RIMS3: variants seen among roughly 807,000 people sequenced by gnomAD.
The protein encoded by RIMS3 is regulating synaptic membrane exocytosis 3, also known as regulating synaptic membrane exocytosis protein 3.
Under a neutral mutation model 29.2 loss-of-function variants are expected in RIMS3, and 15 were observed. The observed-to-expected ratio is 0.51, with a 90% CI of 0.34 to 0.79. The LOEUF is 0.79. Among genes scored for constraint, RIMS3 ranks in the 30% least tolerant of loss-of-function variants. The pLI is 0.01. For missense variants in RIMS3, 342 were observed against 421.4 expected (o/e 0.81, Z 1.65); for synonymous variants, 161 against 170.1 (o/e 0.95, Z 0.41).
chr1:40,626,658 G>A lies in RIMS3; in HGVS notation c.786C>T (p.Asp262=), dbSNP rs148290608. Residue 262 remains aspartate (D), a synonymous_variant, in exon 8 of 8, where the codon GAC becomes GAT. Transcript: ENST00000372684. ...CFMGMAQIML[D]ELDLSAAVTG... ...TGACCGCGGCGCTGAGGTCCAGCTCGTCCAGCATGATCTGGGCCATGCCCA... is the reference window on the plus strand; with the variant it reads ...TGACCGCGGCGCTGAGGTCCAGCTCATCCAGCATGATCTGGGCCATGCCCA... 1.9e-5 allele frequency: 31 copies of A among 1,614,228 alleles called. No homozygotes were observed. In the African/African-American group the frequency reaches 2.9e-4, roughly 15 times the overall value.
At chr1:40,664,467 G>A (rs1341330551) in intron 1 of RIMS3, among the ~76,000 whole-genome samples, 1 of 152,122 alleles carries the variant, frequency 6.6e-6, no homozygotes, top group African/African-American at 2.4e-5. Context: ...CATGGATAGA[G>A]GACAGGACCA....
At chr1:40,633,503 A>C (rs1367132537) in intron 4 of RIMS3, among the ~76,000 whole-genome samples, 1 of 152,240 alleles carries the variant, frequency 6.6e-6, no homozygotes, top group East Asian at 1.9e-4. Context: ...CTGTGTCCTC[A>C]CCAGGGCATA....
At chr1:40,691,829 C>T in the RIMS3 span, 1 of 435,860 alleles carries the variant, frequency 2.3e-6, no homozygotes, top group Non-Finnish European at 4.6e-6. Context: ...CGTAGGAGCG[C>T]GGGGGCGGCT....
At chr1:40,685,895 G>A in the RIMS3 span, among the ~76,000 whole-genome samples, 4 of 151,900 alleles carry the variant, frequency 2.6e-5, no homozygotes, top group Admixed American at 2.6e-4. Context: ...TATAATCTCA[G>A]CACTACGGGA....
At chr1:40,681,952 G>A in the RIMS3 span, among the ~76,000 whole-genome samples, 1 of 152,056 alleles carries the variant, frequency 6.6e-6, no homozygotes, top group Non-Finnish European at 1.5e-5. Context: ...TCCTGCCTCC[G>A]CCTCCCAAGT....
intron 2 of RIMS3, among the ~76,000 whole-genome samples, chr1:40,643,478 CTTTT>C (rs34292781): frequency 1.5e-5 from 2 of 133,592 alleles, no homozygotes; most frequent in Non-Finnish European, 1.6e-5. Context: ...ATCTTTCTCT[CTTTT>C]TTTTTTTTTT....
chr1:40,644,023 A>AG (rs1462348195), intron 2 of RIMS3, among the ~76,000 whole-genome samples: 1 of 144,912 alleles, frequency 6.9e-6, no homozygotes, highest in Non-Finnish European at 1.5e-5. Context: ...TACTTGTCCA[A>AG]GGGGGGGAAG....
At chr1:40,633,596 A>G (rs1022030958) in intron 4 of RIMS3, among the ~76,000 whole-genome samples, 1 of 152,204 alleles carries the variant, frequency 6.6e-6, no homozygotes, top group Admixed American at 6.5e-5. Flanking sequence ...GTTGACTGCA[A>G]GTTTGAAATC....
rs908150902 is a variant in RIMS3, at chr1:40,621,071, AATG to A, written c.*5443_*5445del. On this transcript the variant is annotated 3_prime_UTR_variant, in exon 8 of 8. Coordinates refer to ENST00000372684, the MANE Select transcript of RIMS3 (RefSeq NM_014747.3). Reference sequence around the variant, plus strand: ...AGGAAGCAGCTGCCCCACCTTCTGAAATGATGTCTGGTTAAAGACATTCTGGAG... The same window carrying A: ...AGGAAGCAGCTGCCCCACCTTCTGAAATGTCTGGTTAAAGACATTCTGGAG... 2.0e-5 allele frequency: 3 copies of A among 152,234 alleles called. No individual in the cohort carries two copies. Among genetic ancestry groups the A allele is most frequent in the African/African-American group, 7.2e-5 (3 of 41,456 alleles). 9.4% of individuals were successfully genotyped at this position (152,234 alleles called of 1,614,324 possible). A position where few individuals can be genotyped will look rare whatever the true frequency, so the allele number is the denominator to read the frequency against.
At chr1:40,646,190 T>C (rs984583192) in intron 2 of RIMS3, among the ~76,000 whole-genome samples, 1 of 152,176 alleles carries the variant, frequency 6.6e-6, no homozygotes, top group Non-Finnish European at 1.5e-5. Context: ...GAATGCACAT[T>C]GTAGCAGAGG....
chr1:40,684,391 A>G, the RIMS3 span, among the ~76,000 whole-genome samples: 5 of 152,212 alleles, frequency 3.3e-5, no homozygotes, highest in African/African-American at 7.2e-5. Flanking sequence ...CAAGATCTCC[A>G]GAAGAAAAAT....
At chr1:40,637,511 G>C (rs201131058) in intron 3 of RIMS3, among the ~76,000 whole-genome samples, 1 of 49,446 alleles carries the variant, frequency 2.0e-5, no homozygotes, top group African/African-American at 1.0e-4. Flanking sequence ...CACACACACA[G>C]AGTCACATTA....
chr1:40,642,070 T>A (rs1570182558), intron 2 of RIMS3, 114 bp from the exon 3 acceptor site: 1 of 656,064 alleles, frequency 1.5e-6, no homozygotes, highest in Non-Finnish European at 2.7e-6. Flanking sequence ...TCTCTGAGGC[T>A]ATAAGGTTAA....
At position 40,640,342 on chromosome 1, in the gene RIMS3, C is replaced by G. The variant is rs558100214; in HGVS notation, c.217+1367G>C. 1.2e-4 allele frequency among the ~76,000 whole-genome samples: 18 copies of G among 152,288 alleles called. No individual in the cohort carries two copies. In the South Asian group the frequency reaches 3.3e-3, roughly 28 times the overall value. ...TCTAGGGCTCTGATAACCTCAAGCC[C>G]CTTCCCCACCTATAATAGCTTTCCC... On this transcript the variant is annotated intron_variant, in intron 3 of 7. Transcript: ENST00000372684.
upstream of RIMS3, among the ~76,000 whole-genome samples, chr1:40,667,925 G>A (rs1642445100): frequency 6.6e-6 from 1 of 152,138 alleles, no homozygotes. Context: ...GACTAGCCTG[G>A]GCAACATGGC....
At chr1:40,669,407 C>G (rs1294800473), upstream of RIMS3, 1 of 152,174 alleles carries the variant, frequency 6.6e-6, no homozygotes, top group Non-Finnish European at 1.5e-5. Context: ...TTCAATAAAA[C>G]AAACTTTTTT....
chr1:40,660,655 C>G (rs911698606), intron 1 of RIMS3, among the ~76,000 whole-genome samples: 3 of 151,948 alleles, frequency 2.0e-5, no homozygotes, highest in African/African-American at 7.3e-5. Context: ...GCTGGGATTA[C>G]CAGCACTTTG....
chr1:40,626,412 G>A lies in RIMS3; in HGVS notation c.*105C>T. The A allele has an allele frequency of 9.3e-7, 1 of 1,071,922 alleles. No homozygotes were observed. The highest frequency in any genetic ancestry group is 1.4e-6 in the Non-Finnish European group (1 of 719,382). 66.4% of individuals were successfully genotyped at this position (1,071,922 alleles called of 1,614,324 possible). A position where few individuals can be genotyped will look rare whatever the true frequency, so the allele number is the denominator to read the frequency against. On this transcript the variant is annotated 3_prime_UTR_variant, in exon 8 of 8. Coordinates refer to ENST00000372684, the MANE Select transcript of RIMS3 (RefSeq NM_014747.3). ...GAGCCCAGTAGCCAACAGGCATGCA[G>A]CAGGACAAGGGGTCCAGAAAGACAC...
chr1:40,674,992 G>A, the RIMS3 span, among the ~76,000 whole-genome samples: 1 of 152,172 alleles, frequency 6.6e-6, no homozygotes, highest in Non-Finnish European at 1.5e-5. Context: ...CAGGCATGGC[G>A]CCTCACACAC....
Sources: gnomAD v4.1 joint callset for allele counts (sites outside exome capture counted in the v4.1 genomes callset) on GRCh38, gnomAD v4.1.1 for gene constraint, MANE v1.5 for transcripts, NCBI Gene and HGNC (gene_info 2026-07-23, HGNC 2026-07-21) for gene names.